PTPRT: variants seen among roughly 807,000 people sequenced by gnomAD.
The protein encoded by PTPRT is protein tyrosine phosphatase receptor type T.
Under a neutral mutation model 176.8 loss-of-function variants are expected in PTPRT, and 56 were observed. That is an observed-to-expected ratio of 0.32 (90% CI 0.26 to 0.40). The LOEUF is 0.40. PTPRT is among the 10% of genes least tolerant of loss of function. The pLI is 1.00. For synonymous variants in PTPRT, 783 were observed against 739.0 expected (o/e 1.06, Z -0.96); for missense variants, 1,540 against 1,908.2 (o/e 0.81, Z 3.60).
Position 42,767,977 on chromosome 20 carries a change from TACACACACAC to T in PTPRT, c.684+3448_684+3457del, listed in dbSNP as rs35599788. On this transcript the variant is annotated intron_variant, in intron 5 of 30. Transcript: ENST00000373187. The stretch of plus-strand genomic sequence containing the variant: ...TTATATATGAAAATATATAAAATTA[TACACACACAC>T]ACACACACACACACACACACACACA... 2.8e-3 allele frequency among the ~76,000 whole-genome samples: 349 copies of T among 125,248 alleles called. 2 individuals are homozygous for T. Among genetic ancestry groups the T allele is most frequent in the African/African-American group, 8.1e-3 (267 of 32,918 alleles). The allele number at this position is 125,248 out of a possible 152,430, so 82.2% of individuals were successfully genotyped here.
intron 7 of PTPRT, among the ~76,000 whole-genome samples, chr20:42,559,294 G>A (rs914839001): frequency 2.6e-5 from 4 of 152,056 alleles, no homozygotes; most frequent in East Asian, 1.9e-4. Context: ...TGTCTTCATC[G>A]TCTTTCTTTT....
At chr20:42,760,627 G>C (rs1200592026) in intron 5 of PTPRT, among the ~76,000 whole-genome samples, 2 of 152,240 alleles carry the variant, frequency 1.3e-5, no homozygotes, top group Admixed American at 6.5e-5. Flanking sequence ...GGCTGACTTT[G>C]TGCCAGCCAC....
intron 9 of PTPRT, among the ~76,000 whole-genome samples, chr20:42,365,501 C>T (rs1016778287): frequency 6.6e-6 from 1 of 151,760 alleles, no homozygotes; most frequent in African/African-American, 2.4e-5. Flanking sequence ...CCACCAAGAA[C>T]CAATTTTCAT....
intron 1 of PTPRT, among the ~76,000 whole-genome samples, chr20:43,056,390 T>C (rs1987234150): frequency 1.3e-5 from 2 of 152,226 alleles, no homozygotes; most frequent in African/African-American, 4.8e-5. Context: ...ATGCCACTTC[T>C]GGGCGTGACC....
intron 1 of PTPRT, among the ~76,000 whole-genome samples, chr20:43,131,888 T>C (rs1038065546): frequency 1.3e-5 from 2 of 152,144 alleles, no homozygotes; most frequent in Admixed American, 1.3e-4. Context: ...GAGTAAACAT[T>C]TTATAGTAAA....
intron 12 of PTPRT, among the ~76,000 whole-genome samples, chr20:42,301,382 G>T (rs989326158): frequency 6.6e-6 from 1 of 152,082 alleles, no homozygotes. Context: ...AGAGTCAAGG[G>T]CATAAAAGTC....
At chr20:42,592,113 G>A (rs1322486224) in intron 7 of PTPRT, among the ~76,000 whole-genome samples, 1 of 150,814 alleles carries the variant, frequency 6.6e-6, no homozygotes. Context: ...CCGAGTAGCT[G>A]GGACTACAGG....
intron 1 of PTPRT, among the ~76,000 whole-genome samples, chr20:43,179,164 C>T (rs2015189392): frequency 6.6e-6 from 1 of 152,194 alleles, no homozygotes; most frequent in Admixed American, 6.5e-5. Context: ...TCCTGGGGCC[C>T]TAAACACAGT....
chr20:42,938,454 C>A (rs1568689593), intron 1 of PTPRT, among the ~76,000 whole-genome samples: 1 of 152,146 alleles, frequency 6.6e-6, no homozygotes. Flanking sequence ...CATTCACTGA[C>A]TTTTTTTCAG....
At chr20:43,070,519 T>A (rs1229377531) in intron 1 of PTPRT, among the ~76,000 whole-genome samples, 1 of 152,172 alleles carries the variant, frequency 6.6e-6, no homozygotes, top group Non-Finnish European at 1.5e-5. Context: ...TAAAAACACA[T>A]GCACATGTAT....
intron 1 of PTPRT, among the ~76,000 whole-genome samples, chr20:43,005,121 C>G (rs1347919239): frequency 2.6e-5 from 4 of 151,948 alleles, no homozygotes; most frequent in Admixed American, 1.3e-4. Context: ...TCCTTTGCAT[C>G]TCACCAGCAC....
intron 11 of PTPRT, among the ~76,000 whole-genome samples, chr20:42,323,826 C>T (rs1267079353): frequency 1.3e-5 from 2 of 151,916 alleles, no homozygotes; most frequent in Non-Finnish European, 2.9e-5. Flanking sequence ...GAGAAACTAT[C>T]ACACACACCC....
At chr20:42,169,023 T>G (rs1989959187) in intron 16 of PTPRT, among the ~76,000 whole-genome samples, 1 of 152,208 alleles carries the variant, frequency 6.6e-6, no homozygotes, top group African/African-American at 2.4e-5. Flanking sequence ...TACAATTGAC[T>G]TTGATAGACT....
rs188717034 is a variant in PTPRT, at chr20:42,647,273, T to G, written c.1153+30593A>C. ...ATCTTTGCCATTCTTGTGATGAGAG[T>G]GTGGGCTACTAAGACACAGGGGAGG... On this transcript the variant is annotated intron_variant, in intron 7 of 30. Coordinates refer to ENST00000373187, the MANE Select transcript of PTPRT (RefSeq NM_007050.6). Among the ~76,000 whole-genome samples the G allele has an allele frequency of 1.1e-4, 16 of 152,098 alleles. 1 individual carries two copies. Among genetic ancestry groups the G allele is most frequent in the African/African-American group, 3.6e-4 (15 of 41,482 alleles).
At chr20:42,838,692 A>G (rs1420244019) in intron 2 of PTPRT, among the ~76,000 whole-genome samples, 1 of 152,158 alleles carries the variant, frequency 6.6e-6, no homozygotes, top group African/African-American at 2.4e-5. Flanking sequence ...CTGATTTTAA[A>G]CCTGATATGG....
chr20:42,435,298 T>C (rs903828305), intron 9 of PTPRT, among the ~76,000 whole-genome samples: 66 of 152,370 alleles, frequency 4.3e-4, no homozygotes, highest in African/African-American at 1.5e-3. Context: ...CTGTGGTCCA[T>C]GTTATCCAAA....
intron 7 of PTPRT, among the ~76,000 whole-genome samples, chr20:42,542,021 G>T (rs762568021): frequency 6.6e-6 from 1 of 152,008 alleles, no homozygotes; most frequent in African/African-American, 2.4e-5. Flanking sequence ...TGCTGTTCTC[G>T]TAATTGTGAA....
chr20:42,318,118 A>G (rs910234695), intron 11 of PTPRT, among the ~76,000 whole-genome samples: 4 of 152,240 alleles, frequency 2.6e-5, no homozygotes, highest in Non-Finnish European at 5.9e-5. Flanking sequence ...TTAACAATCC[A>G]AAGTTTGTGT....
intron 24 of PTPRT, among the ~76,000 whole-genome samples, chr20:42,105,437 C>T (rs1275630026): frequency 6.6e-6 from 1 of 152,188 alleles, no homozygotes; most frequent in African/African-American, 2.4e-5. Flanking sequence ...CCTCCTGAAA[C>T]TCCACTCCCT....
Sources: allele counts gnomAD v4.1 joint callset (sites outside exome capture counted in the v4.1 genomes callset), GRCh38; gene constraint gnomAD v4.1.1; transcripts MANE v1.5; gene names NCBI Gene and HGNC (gene_info 2026-07-23, HGNC 2026-07-21).